TMEM229B: variants seen among roughly 807,000 people sequenced by gnomAD.
The protein encoded by TMEM229B is chromosome 14 open reading frame 83.
A neutral mutation model predicts 13.7 loss-of-function variants in TMEM229B; 6 were observed. The observed-to-expected ratio is 0.44, with a 90% CI of 0.24 to 0.86. The LOEUF (loss-of-function observed/expected upper bound fraction) is 0.86, where lower values mean the gene tolerates loss of function less well. TMEM229B is among the 40% of genes least tolerant of loss of function. The pLI is 0.23. For missense variants in TMEM229B, 170 were observed against 236.0 expected, an observed-to-expected ratio of 0.72 and a Z score of 1.83; for synonymous variants, 107 against 102.1, an observed-to-expected ratio of 1.05 and a Z score of -0.29.
intron 1 of TMEM229B, among the ~76,000 whole-genome samples, chr14:67,521,142 G>C (rs1345037566): frequency 1.3e-5 from 2 of 152,170 alleles, no homozygotes; most frequent in Non-Finnish European, 2.9e-5. Flanking sequence ...GTAGATTGTT[G>C]AATAATATCA....
chr14:67,522,609 A>C (rs933500177), intron 1 of TMEM229B, among the ~76,000 whole-genome samples: 7 of 152,226 alleles, frequency 4.6e-5, no homozygotes, highest in Non-Finnish European at 1.0e-4. Context: ...GGGACTTGGC[A>C]ACATTAATAG....
chr14:67,496,371 G>A (rs2140168405), intron 1 of TMEM229B, among the ~76,000 whole-genome samples: 1 of 138,340 alleles, frequency 7.2e-6, no homozygotes, highest in Non-Finnish European at 1.5e-5. Context: ...GGGATTACAG[G>A]TGTGAGCCAC....
intron 1 of TMEM229B, among the ~76,000 whole-genome samples, chr14:67,527,022 GC>G (rs1357390265): frequency 1.3e-5 from 2 of 152,226 alleles, no homozygotes; most frequent in Non-Finnish European, 2.9e-5. Flanking sequence ...AGCTGCAATG[GC>G]TTGGTCAGCT....
chr14:67,493,230 G>A (rs190680066), upstream of TMEM229B, among the ~76,000 whole-genome samples: 280 of 152,288 alleles, frequency 1.8e-3, 2 homozygotes, highest in African/African-American at 6.4e-3. Flanking sequence ...TATTCTGAAA[G>A]TAATCTTACC....
upstream of TMEM229B, among the ~76,000 whole-genome samples, chr14:67,517,906 A>G (rs535814968): frequency 6.6e-6 from 1 of 152,352 alleles, no homozygotes; most frequent in East Asian, 1.9e-4. Flanking sequence ...GTTTGCACCA[A>G]GAACATTTGA....
intron 1 of TMEM229B, among the ~76,000 whole-genome samples, chr14:67,521,433 T>A (rs532719114): frequency 2.3e-4 from 35 of 152,308 alleles, no homozygotes; most frequent in African/African-American, 8.2e-4. Flanking sequence ...GTCCTGTGGG[T>A]TTATCAGAAG....
chr14:67,527,894 A>G (rs2033391697), intron 1 of TMEM229B, among the ~76,000 whole-genome samples: 2 of 152,222 alleles, frequency 1.3e-5, no homozygotes, highest in Admixed American at 1.3e-4. Context: ...TCTTCCTGTC[A>G]GCGAAAGTAG....
chr14:67,480,813 T>C (rs2031539853), intron 2 of TMEM229B, among the ~76,000 whole-genome samples: 1 of 152,178 alleles, frequency 6.6e-6, no homozygotes, highest in South Asian at 2.1e-4. Flanking sequence ...CTGCTCTTCT[T>C]GCCTCTGATC....
At chr14:67,524,517 C>T (rs1328912788) in intron 1 of TMEM229B, among the ~76,000 whole-genome samples, 1 of 152,114 alleles carries the variant, frequency 6.6e-6, no homozygotes, top group African/African-American at 2.4e-5. Flanking sequence ...TATGCCACTC[C>T]CACCCAGAAC....
intron 1 of TMEM229B, among the ~76,000 whole-genome samples, chr14:67,502,058 C>A (rs1480101937): frequency 6.6e-6 from 1 of 152,198 alleles, no homozygotes; most frequent in African/African-American, 2.4e-5. Flanking sequence ...ACAGACTGGG[C>A]ACTGTGGCTC....
intron 1 of TMEM229B, among the ~76,000 whole-genome samples, chr14:67,512,068 G>T (rs945279471): frequency 3.9e-5 from 6 of 152,182 alleles, no homozygotes; most frequent in African/African-American, 1.4e-4. Flanking sequence ...AATTCTGAGT[G>T]CATCTTTATC....
intron 1 of TMEM229B, among the ~76,000 whole-genome samples, chr14:67,504,635 C>T (rs1015834923): frequency 1.3e-5 from 2 of 152,024 alleles, no homozygotes; most frequent in African/African-American, 4.8e-5. Flanking sequence ...ACCTGTAATC[C>T]CAGCACTTTG....
At chr14:67,492,076 C>T (rs571862838), upstream of TMEM229B, among the ~76,000 whole-genome samples, 71 of 152,310 alleles carry the variant, frequency 4.7e-4, 1 homozygote, top group Middle Eastern at 6.8e-3. Context: ...TTTCCCTCTC[C>T]TCTCCCCCTT....
At chr14:67,506,526 C>A (rs1253252778) in intron 1 of TMEM229B, among the ~76,000 whole-genome samples, 1 of 152,102 alleles carries the variant, frequency 6.6e-6, no homozygotes, top group Non-Finnish European at 1.5e-5. Context: ...TGGTACCCCC[C>A]ATAAAAATAA....
Position 67,496,649 on chromosome 14 carries a change from TTCTC to T in TMEM229B, c.-191-9481_-191-9478del, listed in dbSNP as rs554200954. 1.5e-4 allele frequency among the ~76,000 whole-genome samples: 23 copies of T among 150,376 alleles called. No individual in the cohort carries two copies. The South Asian group carries it at 1.9e-3, about 13-fold the overall frequency. ...TCTTTTCCCTTCCCCTTTTCTTTCT[TTCTC>T]TCTCTCTCTCTTTCTTTCCTTCCTT... On this transcript the variant is annotated intron_variant, in intron 1 of 2. Transcript: ENST00000357461.
intron 1 of TMEM229B, among the ~76,000 whole-genome samples, chr14:67,499,003 A>ATTTATTTATTTATTTG (rs371338853): frequency 6.9e-6 from 1 of 145,040 alleles, no homozygotes; most frequent in East Asian, 2.1e-4. Flanking sequence ...TTATTTATTT[A>ATTTATTTATTTATTTG]TTAGTTATTT....
At chr14:67,485,804 C>T (rs1475894226) in intron 2 of TMEM229B, among the ~76,000 whole-genome samples, 1 of 152,246 alleles carries the variant, frequency 6.6e-6, no homozygotes, top group East Asian at 1.9e-4. Context: ...GAGCCTCTCA[C>T]CCTACCTCGA....
intron 1 of TMEM229B, among the ~76,000 whole-genome samples, chr14:67,496,410 T>TTTTTTG (rs1219608778): frequency 2.2e-5 from 3 of 133,698 alleles, no homozygotes; most frequent in African/African-American, 8.2e-5. Flanking sequence ...TTTTTTTTTT[T>TTTTTTG]TTTTTTTTTT....
At chr14:67,515,648 G>A (rs372025384), upstream of TMEM229B, among the ~76,000 whole-genome samples, 3 of 152,134 alleles carry the variant, frequency 2.0e-5, no homozygotes, top group African/African-American at 7.2e-5. Context: ...AGGTGGCTGC[G>A]GTGCAGGGCT....
Sources: gnomAD v4.1 joint callset for allele counts (sites outside exome capture counted in the v4.1 genomes callset) on GRCh38, gnomAD v4.1.1 for gene constraint, MANE v1.5 for transcripts, NCBI Gene and HGNC (gene_info 2026-07-23, HGNC 2026-07-21) for gene names.